Variants in HDAC8 observed in about 807,000 individuals in gnomAD.
HDAC8 encodes histone deacetylase 8.
HDAC8 carries 1 observed loss-of-function variant against 32.2 expected under a neutral mutation model. The ratio of observed to expected loss-of-function variants is 0.03; its 90% CI spans 0.01 to 0.15. The LOEUF (loss-of-function observed/expected upper bound fraction) is 0.15, where lower values mean the gene tolerates loss of function less well. Ranked by LOEUF, HDAC8 falls within the 10% of genes least tolerant of loss-of-function variation. The pLI is 1.00. For missense variants in HDAC8, 117 were observed against 300.0 expected, an observed-to-expected ratio of 0.39 and a Z score of 4.51; for synonymous variants, 108 against 113.9, an observed-to-expected ratio of 0.95 and a Z score of 0.33.
intron 9 of HDAC8, among the ~76,000 whole-genome samples, chrX:72,363,292 T>A (rs1280577458): frequency 1.8e-5 from 2 of 111,791 alleles, no homozygotes; most frequent in Non-Finnish European, 3.8e-5. Context: ...CACACGAAGG[T>A]TTTTTACATC....
chrX:72,461,624 T>C (rs879989414), intron 9 of HDAC8, among the ~76,000 whole-genome samples: 1 of 111,143 alleles, frequency 9.0e-6, no homozygotes, highest in African/African-American at 3.3e-5. Flanking sequence ...GTACCACCTA[T>C]GAAACTTCTT....
chrX:72,379,826 T>G (rs2045217652), intron 9 of HDAC8, among the ~76,000 whole-genome samples: 1 of 111,046 alleles, frequency 9.0e-6, no homozygotes, highest in Non-Finnish European at 1.9e-5. Flanking sequence ...TCTAAATTAA[T>G]TCTGCAAAGT....
intron 4 of HDAC8, among the ~76,000 whole-genome samples, chrX:72,555,651 A>C (rs1176167541): frequency 8.9e-6 from 1 of 112,514 alleles, no homozygotes; most frequent in Non-Finnish European, 1.9e-5. Context: ...CAGAAGAAAG[A>C]ACTTCAGAGC....
At chrX:72,357,249 G>T (rs372977603) in intron 9 of HDAC8, among the ~76,000 whole-genome samples, 3 of 108,118 alleles carry the variant, frequency 2.8e-5, no homozygotes, top group Non-Finnish European at 5.7e-5. Flanking sequence ...TGAGAGGGGA[G>T]TTCAGTTAGG....
At chrX:72,536,105 A>AAC (rs1230359210) in intron 4 of HDAC8, among the ~76,000 whole-genome samples, 1 of 111,695 alleles carries the variant, frequency 9.0e-6, no homozygotes, top group Non-Finnish European at 1.9e-5. Flanking sequence ...TCCTTTTCGT[A>AAC]ACACCCCATT....
At chrX:72,371,723 C>T (rs1555956398) in intron 9 of HDAC8, among the ~76,000 whole-genome samples, 5 of 112,036 alleles carry the variant, frequency 4.5e-5, no homozygotes, top group Non-Finnish European at 9.4e-5. Context: ...GCTCTCAGGA[C>T]ATTAGTTTAT....
intron 9 of HDAC8, among the ~76,000 whole-genome samples, chrX:72,392,048 G>T (rs2045625533): frequency 8.9e-6 from 1 of 112,016 alleles, no homozygotes; most frequent in Non-Finnish European, 1.9e-5. Flanking sequence ...ACATTACAGA[G>T]AACTTCACAG....
At chrX:72,537,562 G>C (rs1556040208) in intron 4 of HDAC8, among the ~76,000 whole-genome samples, 1 of 111,803 alleles carries the variant, frequency 8.9e-6, no homozygotes, top group South Asian at 3.8e-4. Context: ...CCCTCTTATA[G>C]TAAATCCACA....
intron 4 of HDAC8, among the ~76,000 whole-genome samples, chrX:72,543,434 T>G (rs1556045705): frequency 9.0e-6 from 1 of 111,157 alleles, no homozygotes; most frequent in Non-Finnish European, 1.9e-5. Context: ...GGGAAGACCT[T>G]TTAGATGAAC....
At chrX:72,373,883 T>C (rs1424122084) in intron 9 of HDAC8, among the ~76,000 whole-genome samples, 1 of 112,350 alleles carries the variant, frequency 8.9e-6, no homozygotes, top group Non-Finnish European at 1.9e-5. Context: ...TTGATTATTG[T>C]CATCCTAGTA....
At chrX:72,501,837 C>A (rs2049227631) in intron 4 of HDAC8, among the ~76,000 whole-genome samples, 1 of 112,013 alleles carries the variant, frequency 8.9e-6, no homozygotes, top group African/African-American at 3.2e-5. Context: ...AACAGACAAC[C>A]TACAGAATAG....
In HDAC8 at chrX:72,336,274, A is replaced by G. The variant is rs183332290; in HGVS notation, c.1112-6198T>C. ...AATTTGCAATTCCTTAGTGACCATG[A>G]TATTGGGCATCTTTTCACATATAGT... is the stretch of plus-strand genomic sequence containing the variant. On this transcript the variant is annotated intron_variant, in intron 10 of 10. Transcript: ENST00000373573. Among the ~76,000 whole-genome samples, 6 of 111,919 alleles carry G rather than the reference A, an allele frequency of 5.4e-5. No individual in the cohort carries two copies. In the East Asian group the frequency reaches 1.7e-3, roughly 31 times the overall value.
At chrX:72,379,926 ATGGAGCC>A (rs2045221315) in intron 9 of HDAC8, among the ~76,000 whole-genome samples, 1 of 111,092 alleles carries the variant, frequency 9.0e-6, no homozygotes, top group Non-Finnish European at 1.9e-5. Flanking sequence ...GCTTAAATTC[ATGGAGCC>A]AGTAAGTCTC....
intron 4 of HDAC8, among the ~76,000 whole-genome samples, chrX:72,506,035 A>G (rs1320403906): frequency 1.8e-5 from 2 of 111,716 alleles, no homozygotes; most frequent in African/African-American, 6.5e-5. Context: ...TGGGACTCTA[A>G]GTTGTCTTGG....
intron 4 of HDAC8, among the ~76,000 whole-genome samples, chrX:72,540,665 T>C (rs1302237594): frequency 9.0e-6 from 1 of 111,302 alleles, no homozygotes; most frequent in Non-Finnish European, 1.9e-5. Context: ...ACCTTCTCTC[T>C]CTCCCGGTCC....
At chrX:72,436,156 A>G (rs1037918322) in intron 9 of HDAC8, among the ~76,000 whole-genome samples, 1 of 111,778 alleles carries the variant, frequency 8.9e-6, no homozygotes, top group East Asian at 2.8e-4. Flanking sequence ...AAAAATATTC[A>G]AAGAAATGGC....
At chrX:72,553,277 C>T (rs1265067548) in intron 4 of HDAC8, among the ~76,000 whole-genome samples, 1 of 111,449 alleles carries the variant, frequency 9.0e-6, no homozygotes, top group African/African-American at 3.3e-5. Context: ...ATCTCTTGAC[C>T]TTGTGATCCG....
At chrX:72,356,579 C>CT (rs1182704223) in intron 9 of HDAC8, among the ~76,000 whole-genome samples, 37 of 103,044 alleles carry the variant, frequency 3.6e-4, no homozygotes, top group Admixed American at 6.3e-4. Context: ...ATACTGCAAG[C>CT]TTTTTTTTTT....
chrX:72,390,641 G>A (rs1555963437), intron 9 of HDAC8, among the ~76,000 whole-genome samples: 1 of 111,641 alleles, frequency 9.0e-6, no homozygotes, highest in African/African-American at 3.3e-5. Context: ...CCAGAAAAGT[G>A]TAGCTATAGA....
Sources: allele counts gnomAD v4.1 joint callset (sites outside exome capture counted in the v4.1 genomes callset), GRCh38; gene constraint gnomAD v4.1.1; transcripts MANE v1.5; gene names NCBI Gene and HGNC (gene_info 2026-07-23, HGNC 2026-07-21).